OSBPL9: variants seen among roughly 807,000 people sequenced by gnomAD.
OSBPL9 encodes the protein oxysterol binding protein like 9, also known as oxysterol-binding protein-related protein 9.
In OSBPL9, 40 loss-of-function variants were observed where a neutral mutation model predicts 106.6. The observed-to-expected ratio is 0.38, with a 90% CI of 0.29 to 0.49. OSBPL9 has a LOEUF of 0.49. Among genes scored for constraint, OSBPL9 ranks in the 20% least tolerant of loss-of-function variants. The pLI, the probability that OSBPL9 is intolerant of heterozygous loss-of-function variation, is 0.97. For synonymous variants in OSBPL9, 269 were observed against 295.4 expected, an observed-to-expected ratio of 0.91 and a Z score of 0.92; for missense variants, 609 against 887.2, an observed-to-expected ratio of 0.69 and a Z score of 3.98.
chr1:51,748,990 CA>C, intron 7 of OSBPL9, among the ~76,000 whole-genome samples: 1 of 152,004 alleles, frequency 6.6e-6, no homozygotes, highest in East Asian at 1.9e-4. Context: ...GAGGCTGAGA[CA>C]GGAGAATCGC....
intron 1 of OSBPL9, among the ~76,000 whole-genome samples, chr1:51,640,328 A>C (rs1424465227): frequency 2.0e-5 from 3 of 152,214 alleles, no homozygotes; most frequent in Non-Finnish European, 4.4e-5. Flanking sequence ...GTTAATTTTT[A>C]AACTTAATAA....
In OSBPL9 at chr1:51,713,986, A is replaced by G. The variant is rs759559257; in HGVS notation, c.242-17A>G. 3.8e-6 allele frequency: 6 copies of G among 1,583,984 alleles called. No homozygotes were observed. Among genetic ancestry groups the G allele is most frequent in the Admixed American group, 3.5e-5 (2 of 56,752 alleles). ...AGAATTAAACTTTTAATTTTAATGT[A>G]TAATCTTTTATTCCAGCCCGTGATG... On this transcript the variant is annotated splice_polypyrimidine_tract_variant and intron_variant, in intron 3 of 23. Transcript: ENST00000428468.
intron 4 of OSBPL9, among the ~76,000 whole-genome samples, chr1:51,739,826 G>C (rs1310994956): frequency 2.0e-5 from 3 of 152,006 alleles, no homozygotes; most frequent in Non-Finnish European, 4.4e-5. Context: ...TCACAGATTA[G>C]TGTGCCTCAC....
At chr1:51,573,959 T>C (rs1473181347), upstream of OSBPL9, 1 of 152,210 alleles carries the variant, frequency 6.6e-6, no homozygotes, top group African/African-American at 2.4e-5. Flanking sequence ...TTTACCTTTA[T>C]CTTTTTCTTT....
At chr1:51,627,718 A>C (rs1644851821) in intron 1 of OSBPL9, among the ~76,000 whole-genome samples, 1 of 148,384 alleles carries the variant, frequency 6.7e-6, no homozygotes, top group African/African-American at 2.5e-5. Context: ...GTCTCTCCTA[A>C]TTCTGTTTTT....
At chr1:51,616,084 G>A (rs1402842824), upstream of OSBPL9, among the ~76,000 whole-genome samples, 2 of 143,662 alleles carry the variant, frequency 1.4e-5, no homozygotes, top group African/African-American at 2.6e-5. Flanking sequence ...ATGCAATCTC[G>A]GCTCCGAGGT....
At chr1:51,749,417 ATCC>A (rs200381192) in intron 7 of OSBPL9, 7,067 of 272,062 alleles carry the variant, frequency 0.026, 142 homozygotes, top group Non-Finnish European at 0.038. Context: ...GGCTCAGACA[ATCC>A]TCCTGCTTCA....
chr1:51,693,606 A>G (rs987889287), intron 3 of OSBPL9, among the ~76,000 whole-genome samples: 1 of 152,214 alleles, frequency 6.6e-6, no homozygotes, highest in Non-Finnish European at 1.5e-5. Context: ...AGTTTATTTA[A>G]ATAATGACTC....
At chr1:51,706,807 C>G (rs1658650400) in intron 3 of OSBPL9, among the ~76,000 whole-genome samples, 1 of 151,852 alleles carries the variant, frequency 6.6e-6, no homozygotes, top group African/African-American at 2.4e-5. Context: ...TTTCTAATTT[C>G]TAGTGCAGAT....
intron 4 of OSBPL9, chr1:51,740,251 A>G: frequency 6.8e-7 from 1 of 1,478,604 alleles, no homozygotes; most frequent in Non-Finnish European, 9.0e-7. Flanking sequence ...TACTTCTTTC[A>G]TTGGATGAAA....
chr1:51,573,441 G>C (rs1024751236), upstream of OSBPL9, among the ~76,000 whole-genome samples: 2 of 148,420 alleles, frequency 1.3e-5, no homozygotes, highest in African/African-American at 5.0e-5. Context: ...CTGGGAGGCC[G>C]AGGTTGTGGT....
intron 3 of OSBPL9, among the ~76,000 whole-genome samples, chr1:51,688,365 C>T (rs1162929985): frequency 6.6e-6 from 1 of 152,086 alleles, no homozygotes; most frequent in Admixed American, 6.5e-5. Context: ...GGCATGGTAG[C>T]CTATGCCTGT....
At chr1:51,784,201 G>T in intron 18 of OSBPL9, 63 bp from the exon 19 acceptor site, 1 of 1,542,988 alleles carries the variant, frequency 6.5e-7, no homozygotes, top group Non-Finnish European at 9.0e-7. Flanking sequence ...CCATCAGCTC[G>T]ACAAGAAAGC....
At chr1:51,528,741 A>G in the OSBPL9 span, among the ~76,000 whole-genome samples, 38 of 152,002 alleles carry the variant, frequency 2.5e-4, no homozygotes, top group South Asian at 1.7e-3. Context: ...GGCATGGTGG[A>G]GTACACCCAT....
At chr1:51,542,771 T>G in the OSBPL9 span, among the ~76,000 whole-genome samples, 4 of 152,214 alleles carry the variant, frequency 2.6e-5, no homozygotes, top group Non-Finnish European at 5.9e-5. Flanking sequence ...GTAAATACAG[T>G]GCTGGAATCC....
intron 2 of OSBPL9, among the ~76,000 whole-genome samples, chr1:51,667,047 G>A (rs941819887): frequency 3.3e-5 from 5 of 152,196 alleles, no homozygotes; most frequent in Non-Finnish European, 7.3e-5. Context: ...GAGGTAGAAT[G>A]AGCACAGCCT....
chr1:51,603,787 G>C (rs1446450065), intron 2 of OSBPL9, among the ~76,000 whole-genome samples: 1 of 152,218 alleles, frequency 6.6e-6, no homozygotes, highest in Non-Finnish European at 1.5e-5. Flanking sequence ...TTGGGTTGGA[G>C]TGCAGGCAAA....
At chr1:51,533,406 A>C in the OSBPL9 span, among the ~76,000 whole-genome samples, 7 of 151,690 alleles carry the variant, frequency 4.6e-5, no homozygotes, top group African/African-American at 1.7e-4. Flanking sequence ...GAATCACTTG[A>C]ATCCAGGAGG....
At chr1:51,769,093 C>T (rs1039891394) in intron 12 of OSBPL9, among the ~76,000 whole-genome samples, 2 of 152,164 alleles carry the variant, frequency 1.3e-5, no homozygotes, top group Non-Finnish European at 2.9e-5. Context: ...TCCCCAGTTC[C>T]ATATATATCT....
Sources: gnomAD v4.1 joint callset for allele counts (sites outside exome capture counted in the v4.1 genomes callset) on GRCh38, gnomAD v4.1.1 for gene constraint, MANE v1.5 for transcripts, NCBI Gene and HGNC (gene_info 2026-07-23, HGNC 2026-07-21) for gene names.